The following FRY variants were observed in gnomAD, a reference collection of about 807,000 sequenced individuals.
The protein encoded by FRY is FRY microtubule binding protein, also known as protein furry homolog.
A neutral mutation model predicts 348.4 loss-of-function variants in FRY; 128 were observed. The observed-to-expected ratio is 0.37, with a 90% CI of 0.32 to 0.43. The LOEUF (loss-of-function observed/expected upper bound fraction) is 0.43. FRY is among the 20% of genes least tolerant of loss of function. FRY has a pLI of 1.00. For missense variants in FRY, 2,736 were observed against 3,695.2 expected (o/e 0.74, Z 6.73); for synonymous variants, 1,370 against 1,374.7 (o/e 1.00, Z 0.08).
intron 50 of FRY, among the ~76,000 whole-genome samples, chr13:32,253,711 T>C (rs1171109444): frequency 6.6e-6 from 1 of 152,226 alleles, no homozygotes; most frequent in African/African-American, 2.4e-5. Flanking sequence ...TGGACAAGTA[T>C]TGTAATTTTT....
At chr13:32,059,844 A>G (rs1230482065) in intron 1 of FRY, among the ~76,000 whole-genome samples, 1 of 152,194 alleles carries the variant, frequency 6.6e-6, no homozygotes, top group African/African-American at 2.4e-5. Flanking sequence ...TCCTTTAGTA[A>G]AATGTAAACC....
intron 55 of FRY, among the ~76,000 whole-genome samples, chr13:32,273,489 T>G (rs1888323760): frequency 2.6e-5 from 4 of 152,208 alleles, no homozygotes; most frequent in Admixed American, 2.0e-4. Context: ...CCCAAAGTGC[T>G]GGGATTACAG....
chr13:32,226,288 C>T (rs1044536075), intron 39 of FRY, among the ~76,000 whole-genome samples: 25 of 152,090 alleles, frequency 1.6e-4, no homozygotes, highest in Non-Finnish European at 1.0e-4. Flanking sequence ...TCTAGAACAC[C>T]GAAGGATGAG....
chr13:32,259,144 A>G (rs1160198557), intron 51 of FRY, among the ~76,000 whole-genome samples: 1 of 152,084 alleles, frequency 6.6e-6, no homozygotes, highest in African/African-American at 2.4e-5. Flanking sequence ...TTGACTTTTC[A>G]CTTTGTATGT....
rs1878912685 is a variant in FRY, at chr13:32,124,621, T to C, written c.575T>C (p.Ile192Thr). ...VLKQIPLHPVIDSLIHDVINL... is the reference protein window; with the variant it reads ...VLKQIPLHPVTDSLIHDVINL... The stretch of plus-strand genomic sequence containing the variant: ...TTTCAGATTCCACTTCATCCTGTAA[T>C]AGACAGTTTAATACATGATGTTATT... Residue 192 changes from isoleucine to threonine, a missense_variant, in exon 6 of 61, where the codon ATA becomes ACA. Transcript: ENST00000542859. 6.3e-7 allele frequency: 1 copy of C among 1,592,340 alleles called. No homozygotes were observed. The highest frequency in any genetic ancestry group is 1.3e-5 in the African/African-American group (1 of 74,492).
intron 49 of FRY, among the ~76,000 whole-genome samples, chr13:32,251,046 C>G (rs1382815187): frequency 6.6e-6 from 1 of 152,178 alleles, no homozygotes; most frequent in African/African-American, 2.4e-5. Context: ...GAATTGAGTT[C>G]CGTTAAGAAG....
chr13:32,209,574 T>A lies in FRY; in HGVS notation c.4276-11T>A, dbSNP rs768291804. The stretch of plus-strand genomic sequence containing the variant: ...CACACATCTCTTGGGCCGGTTTTTA[T>A]TTTGTTATAGTATGGAGATGAAGTT... On this transcript the variant is annotated splice_polypyrimidine_tract_variant and intron_variant, in intron 32 of 60. Coordinates refer to ENST00000542859, the MANE Select transcript of FRY (RefSeq NM_023037.3). The A allele has an allele frequency of 4.3e-6, 7 of 1,613,866 alleles. No homozygotes were observed. The East Asian group carries it at 1.3e-4, about 31-fold the overall frequency.
Position 32,228,443 on chromosome 13 carries a change from C to T in FRY, c.5207-13C>T. On this transcript the variant is annotated splice_polypyrimidine_tract_variant and intron_variant, in intron 39 of 60. Transcript: ENST00000542859. ...GCCTAGTACATCCCTCCTTGACCTT[C>T]TTCTCCCACCAGGTGGCTTTGACTT... 1 of 1,607,660 alleles carries T rather than the reference C, an allele frequency of 6.2e-7. No individual in the cohort carries two copies. Among genetic ancestry groups the T allele is most frequent in the Non-Finnish European group, 8.5e-7 (1 of 1,175,798 alleles).
At chr13:32,251,614 A>T (rs958027572) in intron 49 of FRY, among the ~76,000 whole-genome samples, 3 of 150,402 alleles carry the variant, frequency 2.0e-5, no homozygotes, top group Admixed American at 6.6e-5. Context: ...AGTTACCCTT[A>T]AAAAAAAAGG....
At chr13:32,170,523 GTTTGTTTTGT>G (rs773290355) in intron 17 of FRY, among the ~76,000 whole-genome samples, 11 of 152,106 alleles carry the variant, frequency 7.2e-5, no homozygotes, top group Admixed American at 2.6e-4. Flanking sequence ...AAAATTAGAA[GTTTGTTTTGT>G]TTTGTTTTGT....
intron 4 of FRY, among the ~76,000 whole-genome samples, chr13:32,121,805 T>C (rs1878674490): frequency 6.6e-6 from 1 of 152,244 alleles, no homozygotes; most frequent in African/African-American, 2.4e-5. Flanking sequence ...TATTTATCTT[T>C]GTTTTTATTG....
At chr13:32,079,072 A>AGCATACAGATGAAT in intron 2 of FRY, 39 bp downstream of exon 2, 1 of 1,317,650 alleles carries the variant, frequency 7.6e-7, no homozygotes, top group Non-Finnish European at 1.1e-6. Flanking sequence ...TTGAAAATTC[A>AGCATACAGATGAAT]TCTGTATGCT....
intron 17 of FRY, among the ~76,000 whole-genome samples, chr13:32,165,642 T>G (rs1273525142): frequency 6.6e-6 from 1 of 152,246 alleles, no homozygotes; most frequent in Non-Finnish European, 1.5e-5. Context: ...AAGCTTTTGC[T>G]TATCTTGCCT....
intron 3 of FRY, among the ~76,000 whole-genome samples, chr13:32,109,638 G>A (rs1023952396): frequency 2.0e-5 from 3 of 152,166 alleles, no homozygotes; most frequent in Non-Finnish European, 2.9e-5. Flanking sequence ...GCCCATTGCA[G>A]TGGGTAGTAG....
intron 1 of FRY, among the ~76,000 whole-genome samples, chr13:32,058,637 C>T (rs1002475828): frequency 6.6e-6 from 1 of 152,172 alleles, no homozygotes; most frequent in African/African-American, 2.4e-5. Context: ...TTTAATTTAA[C>T]ATACATTTGA....
chr13:32,219,292 T>C (rs1262694775), intron 36 of FRY, among the ~76,000 whole-genome samples: 2 of 149,152 alleles, frequency 1.3e-5, no homozygotes, highest in African/African-American at 4.9e-5. Flanking sequence ...GATTTCACCG[T>C]GTTAACCAGG....
At chr13:32,230,544 T>A (rs1294548924) in intron 40 of FRY, among the ~76,000 whole-genome samples, 1 of 152,242 alleles carries the variant, frequency 6.6e-6, no homozygotes, top group African/African-American at 2.4e-5. Context: ...TATATTTCTT[T>A]ATCCAGTCTG....
At chr13:32,065,932 A>G (rs1874233748) in intron 1 of FRY, among the ~76,000 whole-genome samples, 1 of 152,136 alleles carries the variant, frequency 6.6e-6, no homozygotes, top group Admixed American at 6.6e-5. Flanking sequence ...AGTATTATGA[A>G]TCAAATATAG....
Position 32,119,681 on chromosome 13 carries a change from A to G in FRY, c.464+2208A>G, listed in dbSNP as rs530972760. Among the ~76,000 whole-genome samples the G allele has an allele frequency of 2.6e-5, 4 of 152,256 alleles. No individual in the cohort carries two copies. In the South Asian group the frequency reaches 8.3e-4, roughly 32 times the overall value. ...CTCCTTATTCTATAATATAATGGAT[A>G]TAAAGCCTGATTTCTGAGTGCCCTC... On this transcript the variant is annotated intron_variant, in intron 4 of 60. Transcript: ENST00000542859.
Sources: gnomAD v4.1 joint callset for allele counts (sites outside exome capture counted in the v4.1 genomes callset) on GRCh38, gnomAD v4.1.1 for gene constraint, MANE v1.5 for transcripts, NCBI Gene and HGNC (gene_info 2026-07-23, HGNC 2026-07-21) for gene names.